The following FAR2 variants were observed in gnomAD, a reference collection of about 807,000 sequenced individuals.
FAR2 encodes the protein epididymis secretory protein Li 81.
A neutral mutation model predicts 56.0 loss-of-function variants in FAR2; 19 were observed. The ratio of observed to expected loss-of-function variants is 0.34; its 90% CI spans 0.24 to 0.50. The LOEUF (loss-of-function observed/expected upper bound fraction) is 0.50. Ranked by LOEUF, FAR2 falls within the 20% of genes least tolerant of loss-of-function variation. The pLI, the probability that FAR2 is intolerant of heterozygous loss-of-function variation, is 0.98. For missense variants in FAR2, 508 were observed against 642.2 expected, an observed-to-expected ratio of 0.79 and a Z score of 2.26; for synonymous variants, 219 against 218.8, an observed-to-expected ratio of 1.00 and a Z score of -0.01.
chr12:29,159,618 A>G (rs1418843961), intron 1 of FAR2, among the ~76,000 whole-genome samples: 1 of 152,066 alleles, frequency 6.6e-6, no homozygotes, highest in African/African-American at 2.4e-5. Flanking sequence ...CCAGAAAACA[A>G]TGTTCTTGAT....
intron 8 of FAR2, among the ~76,000 whole-genome samples, chr12:29,316,355 G>A (rs2288129): frequency 0.66 from 100,566 of 152,036 alleles, 34,311 homozygotes; most frequent in African/African-American, 0.83. Context: ...ATTTGAAGTA[G>A]ACTAACACAA....
At chr12:29,190,083 G>A (rs555854935) in intron 1 of FAR2, among the ~76,000 whole-genome samples, 2 of 152,178 alleles carry the variant, frequency 1.3e-5, no homozygotes, top group Non-Finnish European at 2.9e-5. Context: ...GGAATACTAG[G>A]GAAGGCGCAG....
intron 1 of FAR2, chr12:29,156,406 G>A (rs1007727969): frequency 6.6e-6 from 1 of 152,080 alleles, no homozygotes; most frequent in Non-Finnish European, 1.5e-5. Context: ...TGTTGCTAAC[G>A]CTACATGCCC....
At chr12:29,262,815 G>A (rs1477573555) in intron 1 of FAR2, among the ~76,000 whole-genome samples, 1 of 152,150 alleles carries the variant, frequency 6.6e-6, no homozygotes, top group Non-Finnish European at 1.5e-5. Context: ...AACATTGAAT[G>A]TAAATGGACT....
chr12:29,211,792 C>T (rs550238646), intron 1 of FAR2, among the ~76,000 whole-genome samples: 2 of 151,410 alleles, frequency 1.3e-5, no homozygotes, highest in South Asian at 4.2e-4. Flanking sequence ...CAGAATGTGA[C>T]TTTATTTGGA....
chr12:29,321,367 T>C (rs192524129), intron 9 of FAR2, among the ~76,000 whole-genome samples: 2 of 152,128 alleles, frequency 1.3e-5, no homozygotes, highest in Admixed American at 6.5e-5. Flanking sequence ...CTACAAAATA[T>C]ACAAAAAATT....
At chr12:29,273,368 C>T (rs1005039430) in intron 2 of FAR2, among the ~76,000 whole-genome samples, 2 of 152,144 alleles carry the variant, frequency 1.3e-5, no homozygotes, top group African/African-American at 2.4e-5. Flanking sequence ...GGAAGCCCCT[C>T]CCCCACCAAC....
chr12:29,330,348 C>T (rs762615715), intron 10 of FAR2, among the ~76,000 whole-genome samples: 9 of 152,146 alleles, frequency 5.9e-5, no homozygotes, highest in Middle Eastern at 3.2e-3. Flanking sequence ...TGAGCCACCA[C>T]GCCTGGCCCA....
chr12:29,271,790 T>C (rs536242489), intron 2 of FAR2, among the ~76,000 whole-genome samples: 1 of 152,360 alleles, frequency 6.6e-6, no homozygotes, highest in South Asian at 2.1e-4. Flanking sequence ...CCAAAGGTCT[T>C]TTCACACCTT....
chr12:29,249,334 T>A (rs1393539014), intron 1 of FAR2, among the ~76,000 whole-genome samples: 1 of 152,346 alleles, frequency 6.6e-6, no homozygotes, highest in South Asian at 2.1e-4. Flanking sequence ...CAGTTTTTCA[T>A]GCAATAGTAG....
chr12:29,243,959 A>T (rs1446668945), intron 1 of FAR2, among the ~76,000 whole-genome samples: 1 of 152,190 alleles, frequency 6.6e-6, no homozygotes, highest in African/African-American at 2.4e-5. Flanking sequence ...TATCCCCAGC[A>T]TGTAGCACAA....
At chr12:29,169,979 C>CT (rs1052232709) in intron 1 of FAR2, among the ~76,000 whole-genome samples, 4 of 152,120 alleles carry the variant, frequency 2.6e-5, no homozygotes, top group Admixed American at 6.5e-5. Flanking sequence ...ACACTGTTAA[C>CT]TTTTTTAGCA....
At chr12:29,151,781 T>C (rs1429080124) in intron 1 of FAR2, 1 of 152,224 alleles carries the variant, frequency 6.6e-6, no homozygotes, top group African/African-American at 2.4e-5. Flanking sequence ...AGTTTCCTCA[T>C]TGACAAAATA....
chr12:29,326,979 G>C (rs1949659109), intron 10 of FAR2, among the ~76,000 whole-genome samples: 1 of 152,146 alleles, frequency 6.6e-6, no homozygotes, highest in Non-Finnish European at 1.5e-5. Context: ...GTTTGCAGAT[G>C]ACATGATTGT....
At chr12:29,311,176 C>A in intron 7 of FAR2, 30 bp downstream of exon 7, 1 of 1,459,546 alleles carries the variant, frequency 6.9e-7, no homozygotes, top group Non-Finnish European at 9.6e-7. Flanking sequence ...CTTTCAAAGA[C>A]TTCATGAGGG....
intron 1 of FAR2, among the ~76,000 whole-genome samples, chr12:29,224,227 T>G (rs1257983316): frequency 6.6e-6 from 1 of 152,166 alleles, no homozygotes; most frequent in East Asian, 1.9e-4. Context: ...CTGCATGAAA[T>G]GAAATGCTGA....
rs560209134 is a variant in FAR2 at position 29,179,923 on chromosome 12, G to A, written c.-39+30516G>A. On this transcript the variant is annotated intron_variant, in intron 1 of 11. Transcript: ENST00000536681. ...AGGAGAAAAGTGGCTGATGAAAAAA[G>A]CAAACAAACAAAAAAACCTTGCCTT... Among the ~76,000 whole-genome samples the A allele has an allele frequency of 8.2e-4, 125 of 152,204 alleles. 1 individual carries two copies. The highest frequency in any genetic ancestry group is 2.8e-3 in the African/African-American group (117 of 41,526).
intron 8 of FAR2, among the ~76,000 whole-genome samples, chr12:29,314,408 G>A (rs1200301129): frequency 6.8e-6 from 1 of 148,062 alleles, no homozygotes; most frequent in Non-Finnish European, 1.5e-5. Context: ...ACTTGAAAAA[G>A]TCACTCAGTT....
chr12:29,185,053 A>C (rs1186472832), intron 1 of FAR2, among the ~76,000 whole-genome samples: 1 of 152,176 alleles, frequency 6.6e-6, no homozygotes, highest in Non-Finnish European at 1.5e-5. Context: ...TCAATTCCTA[A>C]ATTAGAAAAT....
Sources: gnomAD v4.1 joint callset for allele counts (sites outside exome capture counted in the v4.1 genomes callset) on GRCh38, gnomAD v4.1.1 for gene constraint, MANE v1.5 for transcripts, NCBI Gene and HGNC (gene_info 2026-07-23, HGNC 2026-07-21) for gene names.